ERN1: variants seen among roughly 807,000 people sequenced by gnomAD.
ERN1 encodes the protein endoplasmic reticulum to nucleus signaling 1.
Under a neutral mutation model 113.1 loss-of-function variants are expected in ERN1, and 39 were observed. The observed-to-expected ratio is 0.34, with a 90% CI of 0.27 to 0.45. ERN1 has a LOEUF of 0.45. Ranked by LOEUF, ERN1 falls within the 20% of genes least tolerant of loss-of-function variation. ERN1 has a pLI of 1.00. For missense variants in ERN1, 976 were observed against 1,274.8 expected, an observed-to-expected ratio of 0.77 and a Z score of 3.57; for synonymous variants, 507 against 515.9, an observed-to-expected ratio of 0.98 and a Z score of 0.23.
chr17:64,084,081 T>A lies in ERN1; in HGVS notation c.176-3273A>T, dbSNP rs146450953. 1.4e-3 allele frequency among the ~76,000 whole-genome samples: 208 copies of A among 152,006 alleles called. 1 individual carries two copies. Among genetic ancestry groups the A allele is most frequent in the African/African-American group, 4.7e-3 (194 of 41,448 alleles). ...ACCACAGTGGGGTTCTAGGCTCCCC[T>A]CTCCCGGGTCCTTTCTCTGGATCAA... On this transcript the variant is annotated intron_variant, in intron 2 of 21. Coordinates refer to ENST00000433197, the MANE Select transcript of ERN1 (RefSeq NM_001433.5).
chr17:64,113,147 C>T (rs142517395), intron 1 of ERN1, among the ~76,000 whole-genome samples: 7 of 152,286 alleles, frequency 4.6e-5, no homozygotes, highest in South Asian at 4.1e-4. Context: ...GTTACCAGTG[C>T]GGCATCATGC....
intron 2 of ERN1, among the ~76,000 whole-genome samples, chr17:64,097,191 G>T (rs1376067459): frequency 6.6e-6 from 1 of 152,206 alleles, no homozygotes; most frequent in Non-Finnish European, 1.5e-5. Flanking sequence ...CATGCAGGTG[G>T]GGCAGGATGG....
intron 1 of ERN1, among the ~76,000 whole-genome samples, chr17:64,123,627 G>A (rs1304975294): frequency 6.6e-6 from 1 of 152,112 alleles, no homozygotes; most frequent in South Asian, 2.1e-4. Context: ...GGAGAGGGCT[G>A]TAAAATACTA....
chr17:64,046,288 C>T (rs1912511389), intron 19 of ERN1, among the ~76,000 whole-genome samples: 2 of 152,196 alleles, frequency 1.3e-5, no homozygotes, highest in South Asian at 4.1e-4. Context: ...AACTTGGGTA[C>T]ACTGGGAACA....
chr17:64,118,465 T>G (rs62073084), intron 1 of ERN1, among the ~76,000 whole-genome samples: 1 of 152,352 alleles, frequency 6.6e-6, no homozygotes, highest in African/African-American at 2.4e-5. Context: ...GGATTTCCTT[T>G]AAGCATTAAG....
chr17:64,089,800 A>G (rs1022168444), intron 2 of ERN1, among the ~76,000 whole-genome samples: 4 of 152,216 alleles, frequency 2.6e-5, no homozygotes, highest in Non-Finnish European at 5.9e-5. Flanking sequence ...TAAAGGTGAC[A>G]TGGAGATTTT....
intron 7 of ERN1, among the ~76,000 whole-genome samples, chr17:64,067,690 AGAGAAAAAC>A (rs1913278844): frequency 6.6e-6 from 1 of 152,202 alleles, no homozygotes; most frequent in Non-Finnish European, 1.5e-5. Flanking sequence ...AGGAGTCCTC[AGAGAAAAAC>A]GAAAATATTC....
intron 17 of ERN1, among the ~76,000 whole-genome samples, chr17:64,052,419 C>T (rs1284751038): frequency 1.3e-5 from 2 of 151,960 alleles, no homozygotes; most frequent in South Asian, 2.1e-4. Context: ...GCAGGAGAAT[C>T]GCTTGAACCT....
chr17:64,066,649 C>T (rs1186126120), intron 8 of ERN1, 22 bp downstream of exon 8: 6 of 1,611,670 alleles, frequency 3.7e-6, no homozygotes, highest in Non-Finnish European at 5.1e-6. Flanking sequence ...CCGCCCTCTC[C>T]TTCCCCGAGC....
chr17:64,127,556 C>G (rs1915112006), intron 1 of ERN1, among the ~76,000 whole-genome samples: 1 of 151,996 alleles, frequency 6.6e-6, no homozygotes, highest in African/African-American at 2.4e-5. Flanking sequence ...GAGTTCGAGA[C>G]CAACCTGGCC....
At chr17:64,110,563 C>T (rs1914645044) in intron 1 of ERN1, among the ~76,000 whole-genome samples, 1 of 152,122 alleles carries the variant, frequency 6.6e-6, no homozygotes, top group Non-Finnish European at 1.5e-5. Context: ...GCCAAGGAAA[C>T]GCGCATTACT....
At chr17:64,045,211 CCA>C in intron 20 of ERN1, 146 bp downstream of exon 20, 1 of 896,922 alleles carries the variant, frequency 1.1e-6, no homozygotes, top group Admixed American at 2.2e-5. Context: ...TGTAACCAAA[CCA>C]CAGAGGACAC....
Position 64,120,564 on chromosome 17 carries a change from T to C in ERN1, c.54+9412A>G, listed in dbSNP as rs145364469. 9.2e-5 allele frequency among the ~76,000 whole-genome samples: 14 copies of C among 152,348 alleles called. No homozygotes were observed. In the East Asian group the frequency reaches 2.1e-3, roughly 23 times the overall value. Reference sequence around the variant, plus strand: ...AACAAAGGAAGTCATGTTTAATACATGAGAGGACAACTCTGGGCCAAGGTT... The same window carrying C: ...AACAAAGGAAGTCATGTTTAATACACGAGAGGACAACTCTGGGCCAAGGTT... On this transcript the variant is annotated intron_variant, in intron 1 of 21. Transcript: ENST00000433197.
rs948027960 is a variant in ERN1, at chr17:64,109,366, C to T, written c.55-11125G>A. ...TACCTACAAACAACTGTATTTATGA[C>T]ATAATTGCTACCTACACTGGCCAGA... On this transcript the variant is annotated intron_variant, in intron 1 of 21. Transcript: ENST00000433197. Among the ~76,000 whole-genome samples the T allele has an allele frequency of 9.2e-5, 14 of 152,160 alleles. 1 individual carries two copies. Among genetic ancestry groups the T allele is most frequent in the Admixed American group, 7.9e-4 (12 of 15,284 alleles).
chr17:64,070,787 T>G (rs1165790400), intron 6 of ERN1, among the ~76,000 whole-genome samples: 1 of 152,250 alleles, frequency 6.6e-6, no homozygotes, highest in African/African-American at 2.4e-5. Context: ...TTTTTGTTTC[T>G]CCTTTTAGCT....
Position 64,054,412 on chromosome 17 carries a change from G to A in ERN1, c.1791C>T (p.Ala597=), listed in dbSNP as rs762051354. 26 of 1,579,030 alleles carry A rather than the reference G, an allele frequency of 1.6e-5. No individual in the cohort carries two copies. The highest frequency in any genetic ancestry group is 2.1e-5 in the Non-Finnish European group (24 of 1,162,444). ...YRGMFDNRDV[A]VKRILPECFS... ...AACACTCGGGGAGGATCCTCTTCAC[G>A]GCCACGTCGCGGTTGTCAAACATGC... The change falls in exon 15 of 22, where the codon GCC becomes GCT. Residue 597 remains alanine, a synonymous_variant. Transcript: ENST00000433197. This position sits in a 1 kb window ranked among gnomAD's most constrained non-coding sequence, Gnocchi z 4.9.
chr17:64,117,039 G>A (rs932700139), intron 1 of ERN1, among the ~76,000 whole-genome samples: 3 of 151,960 alleles, frequency 2.0e-5, no homozygotes, highest in Admixed American at 2.0e-4. Flanking sequence ...GTGAACCCGG[G>A]AGGCGGAGCT....
intron 9 of ERN1, among the ~76,000 whole-genome samples, chr17:64,064,975 T>A (rs898160302): frequency 2.0e-5 from 3 of 152,172 alleles, no homozygotes; most frequent in African/African-American, 7.2e-5. Context: ...GAGTTTAGAT[T>A]TGATCACAAA....
chr17:64,061,677 C>A (rs1043717234), intron 10 of ERN1, among the ~76,000 whole-genome samples: 2 of 152,218 alleles, frequency 1.3e-5, no homozygotes, highest in Admixed American at 1.3e-4. Flanking sequence ...TGCTTGGGAG[C>A]AGGATTTCTC....
Sources: gnomAD v4.1 joint callset for allele counts (sites outside exome capture counted in the v4.1 genomes callset) on GRCh38, gnomAD v4.1.1 for gene constraint, Gnocchi (gnomAD v3.1) non-coding constraint, MANE v1.5 for transcripts, NCBI Gene and HGNC (gene_info 2026-07-23, HGNC 2026-07-21) for gene names.